Variants in VCL observed in about 807,000 individuals in gnomAD.
The protein encoded by VCL is vinculin, also known as epididymis luminal protein 114.
Under a neutral mutation model 125.7 loss-of-function variants are expected in VCL, and 47 were observed. That is an observed-to-expected ratio of 0.37 (90% confidence interval 0.30 to 0.48). VCL has a LOEUF of 0.48. VCL is among the 20% of genes least tolerant of loss of function. VCL has a pLI of 0.99. For missense variants in VCL, 1,069 were observed against 1,455.5 expected (o/e 0.73, Z 4.32); for synonymous variants, 458 against 514.6 (o/e 0.89, Z 1.49).
In VCL at chr10:73,998,149, C is replaced by T. The variant is rs938365596; in HGVS notation, c.-59C>T. ...CACAGTCTGTCTCTTCGCCGGTTCCCGGCCCCGTGGATCCTACTTCTCTGT... is the reference window on the plus strand; with the variant it reads ...CACAGTCTGTCTCTTCGCCGGTTCCTGGCCCCGTGGATCCTACTTCTCTGT... On this transcript the variant is annotated 5_prime_UTR_variant, in exon 1 of 22. Transcript: ENST00000211998. 1 of 1,585,042 alleles carries T rather than the reference C, an allele frequency of 6.3e-7. No homozygotes were observed. The highest frequency in any genetic ancestry group is 1.1e-5 in the South Asian group (1 of 87,872).
intron 2 of VCL, among the ~76,000 whole-genome samples, chr10:74,058,569 T>G (rs1841425278): frequency 6.6e-6 from 1 of 152,196 alleles, no homozygotes; most frequent in African/African-American, 2.4e-5. Flanking sequence ...TGATATGAGT[T>G]ACTTCCACTC....
chr10:74,089,974 G>A (rs749347855), intron 9 of VCL, 49 bp from the exon 10 acceptor site: 50 of 1,610,094 alleles, frequency 3.1e-5, no homozygotes, highest in Non-Finnish European at 4.2e-5. Flanking sequence ...TAGTAGAAAG[G>A]AGTGTGTGAG....
At chr10:74,017,290 GC>G (rs1840564715) in intron 1 of VCL, among the ~76,000 whole-genome samples, 1 of 151,514 alleles carries the variant, frequency 6.6e-6, no homozygotes, top group African/African-American at 2.4e-5. Flanking sequence ...CTCGTGATCC[GC>G]CCGCCTCGGC....
chr10:74,055,775 T>C (rs1841380401), intron 2 of VCL, among the ~76,000 whole-genome samples: 1 of 152,122 alleles, frequency 6.6e-6, no homozygotes, highest in Non-Finnish European at 1.5e-5. Context: ...GCTGCAACCC[T>C]AGTATGAGAT....
At chr10:74,113,282 T>G (rs1299946173) in intron 19 of VCL, among the ~76,000 whole-genome samples, 1 of 152,262 alleles carries the variant, frequency 6.6e-6, no homozygotes, top group Admixed American at 6.5e-5. Context: ...GTTTCTTTAC[T>G]ATGACCCATG....
intron 2 of VCL, among the ~76,000 whole-genome samples, chr10:74,069,184 T>C (rs925445855): frequency 2.0e-5 from 3 of 151,984 alleles, no homozygotes; most frequent in African/African-American, 4.8e-5. Context: ...GGATTACAGA[T>C]GTCCACCACT....
rs1246417088 is a variant in VCL, at chr10:74,118,815, CTG to C, written c.*648_*649del. On this transcript the variant is annotated 3_prime_UTR_variant, in exon 22 of 22. Coordinates refer to ENST00000211998, the MANE Select transcript of VCL (RefSeq NM_014000.3). ...CCTTCTAGTTTCCCACAATATAAAA[CTG>C]TACTTCACTGTCAGGAAGAAATCAC... The C allele has an allele frequency of 1.3e-5, 2 of 158,450 alleles. No homozygotes were observed. Among genetic ancestry groups the C allele is most frequent in the Admixed American group, 6.0e-5 (1 of 16,786 alleles). 9.8% of individuals were successfully genotyped at this position (158,450 alleles called of 1,614,324 possible). A position where few individuals can be genotyped will look rare whatever the true frequency, so the allele number is the denominator to read the frequency against.
chr10:74,081,457 T>C (rs116932549), intron 6 of VCL, among the ~76,000 whole-genome samples: 239 of 152,260 alleles, frequency 1.6e-3, no homozygotes, highest in Non-Finnish European at 2.7e-3. Context: ...GATTGGAAAC[T>C]GAAGGAAGCT....
chr10:74,058,890 G>GGT (rs148608729), intron 2 of VCL, among the ~76,000 whole-genome samples: 52,504 of 150,858 alleles, frequency 0.35, 10,649 homozygotes, highest in Non-Finnish European at 0.47. Flanking sequence ...TCACAGAAAG[G>GGT]GTGTGTGTGT....
intron 2 of VCL, among the ~76,000 whole-genome samples, chr10:74,069,945 T>C (rs1841637786): frequency 1.3e-5 from 2 of 152,152 alleles, no homozygotes; most frequent in Non-Finnish European, 2.9e-5. Context: ...ACTGGCTTAG[T>C]TACTAATAAT....
chr10:74,086,374 G>A (rs1315471863), intron 8 of VCL, among the ~76,000 whole-genome samples: 1 of 152,236 alleles, frequency 6.6e-6, no homozygotes, highest in Non-Finnish European at 1.5e-5. Flanking sequence ...GAAGGGGAAA[G>A]AAACAGCTTA....
chr10:74,062,813 A>G (rs1841501221), intron 2 of VCL, among the ~76,000 whole-genome samples: 1 of 151,986 alleles, frequency 6.6e-6, no homozygotes, highest in African/African-American at 2.4e-5. Context: ...TACACCTATA[A>G]TCCCAACACT....
chr10:74,115,753 G>A (rs1564536145), intron 21 of VCL, among the ~76,000 whole-genome samples: 1 of 152,228 alleles, frequency 6.6e-6, no homozygotes, highest in Non-Finnish European at 1.5e-5. Flanking sequence ...CAAAGGAGGT[G>A]CTTCTCTTAT....
intron 2 of VCL, among the ~76,000 whole-genome samples, chr10:74,047,707 C>G (rs955283311): frequency 3.9e-5 from 6 of 152,064 alleles, no homozygotes; most frequent in African/African-American, 1.4e-4. Flanking sequence ...CCTAAGCTAT[C>G]TGATATATAT....
intron 2 of VCL, among the ~76,000 whole-genome samples, chr10:74,062,309 C>A (rs998266479): frequency 1.3e-5 from 2 of 151,554 alleles, no homozygotes; most frequent in Admixed American, 1.3e-4. Context: ...AAGAGATCCT[C>A]CTGCCTCAGC....
At chr10:74,112,209 T>C in intron 19 of VCL, 97 bp downstream of exon 19, 1 of 1,504,224 alleles carries the variant, frequency 6.6e-7, no homozygotes, top group Admixed American at 1.7e-5. Flanking sequence ...GCTGGTCCTG[T>C]GAGTCTGAGC....
chr10:74,020,773 T>A (rs1049530286), intron 1 of VCL, among the ~76,000 whole-genome samples: 2 of 141,150 alleles, frequency 1.4e-5, no homozygotes, highest in African/African-American at 5.3e-5. Flanking sequence ...CCCTGGAGGT[T>A]GAGGCTGCAG....
At chr10:74,003,199 G>C (rs1754211210) in intron 1 of VCL, among the ~76,000 whole-genome samples, 1 of 151,670 alleles carries the variant, frequency 6.6e-6, no homozygotes, top group Non-Finnish European at 1.5e-5. Context: ...CAGCCTCCCA[G>C]GTAGCAGGGA....
intron 1 of VCL, among the ~76,000 whole-genome samples, chr10:74,037,167 C>CTTGT (rs1840996119): frequency 6.6e-6 from 1 of 152,060 alleles, no homozygotes; most frequent in Non-Finnish European, 1.5e-5. Flanking sequence ...ACCTCCTGAC[C>CTTGT]TTGTGATCTA....
Sources: gnomAD v4.1 joint callset for allele counts (sites outside exome capture counted in the v4.1 genomes callset) on GRCh38, gnomAD v4.1.1 for gene constraint, MANE v1.5 for transcripts, NCBI Gene and HGNC (gene_info 2026-07-23, HGNC 2026-07-21) for gene names.